AFF1: variants seen among roughly 807,000 people sequenced by gnomAD.
The protein encoded by AFF1 is AF4/FMR2 family member 1.
A neutral mutation model predicts 121.7 loss-of-function variants in AFF1; 48 were observed. The ratio of observed to expected loss-of-function variants is 0.39; its 90% confidence interval spans 0.31 to 0.50. The LOEUF (loss-of-function observed/expected upper bound fraction) is 0.50, where lower values mean the gene tolerates loss of function less well. AFF1 is among the 20% of genes least tolerant of loss of function. The pLI, the probability that AFF1 is intolerant of heterozygous loss-of-function variation, is 0.76. For missense variants in AFF1, 1,523 were observed against 1,511.7 expected (o/e 1.01, Z -0.12); for synonymous variants, 613 against 563.0 (o/e 1.09, Z -1.26).
At chr4:87,073,993 ATG>A (rs1722401418) in intron 4 of AFF1, among the ~76,000 whole-genome samples, 1 of 141,526 alleles carries the variant, frequency 7.1e-6, no homozygotes, top group African/African-American at 3.2e-5. Context: ...GCGTGTGTGC[ATG>A]TGTGTGTAGG....
intron 8 of AFF1, among the ~76,000 whole-genome samples, chr4:87,104,300 G>T (rs1470104759): frequency 2.0e-5 from 3 of 152,198 alleles, no homozygotes; most frequent in Non-Finnish European, 2.9e-5. Flanking sequence ...AACTATTCGG[G>T]AGGCTGAGGC....
intron 2 of AFF1, among the ~76,000 whole-genome samples, chr4:86,962,916 A>C (rs1722252633): frequency 6.6e-6 from 1 of 152,186 alleles, no homozygotes; most frequent in Non-Finnish European, 1.5e-5. Flanking sequence ...TGTAAAACTC[A>C]GCACTTTGAG....
In AFF1 at chr4:87,047,611, A is replaced by T. The variant is rs571671073; in HGVS notation, c.1059+17A>T. On this transcript the variant is annotated intron_variant, in intron 4 of 20. Transcript: ENST00000395146. Reference sequence around the variant, plus strand: ...TCAGTTGAGGTGTGTGGAATTTCTTATCTTGGGGAATTCCAATTCGAAGAC... The same window carrying T: ...TCAGTTGAGGTGTGTGGAATTTCTTTTCTTGGGGAATTCCAATTCGAAGAC... The T allele has an allele frequency of 1.2e-6, 2 of 1,613,954 alleles. No individual in the cohort carries two copies. The highest frequency in any genetic ancestry group is 1.7e-6 in the Non-Finnish European group (2 of 1,179,966).
rs551719722 is a variant in AFF1, at chr4:87,020,545, C to T, written c.39-25621C>T. Among the ~76,000 whole-genome samples, 559 of 152,214 alleles carry T rather than the reference C, an allele frequency of 3.7e-3. 7 individuals carry two copies. The highest frequency in any genetic ancestry group is 0.013 in the African/African-American group (527 of 41,522). ...TGTTGCCCAGGCTGGAGTGCAGTGG[C>T]GCAATTTCGGCTCACTGTAACCTCC... On this transcript the variant is annotated intron_variant, in intron 2 of 20. Transcript: ENST00000395146.
chr4:87,051,330 C>G (rs1731232210), intron 4 of AFF1, among the ~76,000 whole-genome samples: 1 of 151,884 alleles, frequency 6.6e-6, no homozygotes. Flanking sequence ...ACAGCAGAGC[C>G]ATGGAGGATA....
At chr4:86,971,084 G>A (rs556783073) in intron 2 of AFF1, among the ~76,000 whole-genome samples, 2 of 152,166 alleles carry the variant, frequency 1.3e-5, no homozygotes, top group African/African-American at 4.8e-5. Flanking sequence ...TTTACACTGC[G>A]GTGAGCATGG....
At chr4:86,959,488 ACT>A (rs34965689) in intron 2 of AFF1, among the ~76,000 whole-genome samples, 24,461 of 135,148 alleles carry the variant, frequency 0.18, 2,095 homozygotes, top group East Asian at 0.24. Context: ...GTTCCTTAAT[ACT>A]CTTTTTTTTT....
At chr4:87,101,520 A>G (rs538240031) in intron 8 of AFF1, among the ~76,000 whole-genome samples, 4 of 152,012 alleles carry the variant, frequency 2.6e-5, no homozygotes, top group Non-Finnish European at 5.9e-5. Flanking sequence ...AAGAGTTTGC[A>G]GTGAGCCATA....
intron 4 of AFF1, 90 bp from the exon 5 acceptor site, chr4:87,084,030 G>T: frequency 8.5e-7 from 1 of 1,175,416 alleles, no homozygotes; most frequent in South Asian, 1.2e-5. Context: ...GCCTTGAGAT[G>T]AGTATTGCTG....
In AFF1 at chr4:87,108,047, TG is replaced by T. The variant is rs371892657; in HGVS notation, c.1377-111del. On this transcript the variant is annotated intron_variant, in intron 10 of 20. Transcript: ENST00000395146. ...GTTGGATGACATGATAGTTTAGCAG[TG>T]TATCTAATACCAAGGCCCGCCCTTT... The T allele has an allele frequency of 5.3e-3, 6,092 of 1,145,508 alleles. 57 individuals carry two copies. Among genetic ancestry groups the T allele is most frequent in the Middle Eastern group, 0.047 (222 of 4,736 alleles). 71.0% of individuals were successfully genotyped at this position (1,145,508 alleles called of 1,614,324 possible). A position where few individuals can be genotyped will look rare whatever the true frequency, so the allele number is the denominator to read the frequency against.
At chr4:87,064,491 C>A (rs758255838) in intron 4 of AFF1, among the ~76,000 whole-genome samples, 2 of 152,114 alleles carry the variant, frequency 1.3e-5, no homozygotes, top group African/African-American at 2.4e-5. Context: ...CCTGTAATCC[C>A]AACACTTTGG....
intron 2 of AFF1, among the ~76,000 whole-genome samples, chr4:86,954,914 T>C (rs1239786342): frequency 6.6e-6 from 1 of 152,180 alleles, no homozygotes; most frequent in African/African-American, 2.4e-5. Context: ...ATTTCTTCTG[T>C]TCAATATATT....
At chr4:87,054,916 T>C (rs1480734984) in intron 4 of AFF1, among the ~76,000 whole-genome samples, 2 of 152,200 alleles carry the variant, frequency 1.3e-5, no homozygotes, top group Admixed American at 6.5e-5. Flanking sequence ...CCCCACACTT[T>C]TAGCCAGTAT....
In AFF1 at chr4:87,139,016, C is replaced by G. The variant is rs1293566054; in HGVS notation, c.*3315C>G. On this transcript the variant is annotated 3_prime_UTR_variant, in exon 21 of 21. Transcript: ENST00000395146. ...GTATCTTACACATTAATGTTACTAG[C>G]ATCAGGAGCTTACTGTTTTATTATG... 2.7e-5 allele frequency: 6 copies of G among 224,794 alleles called. No homozygotes were observed. The East Asian group carries it at 3.2e-4, about 12-fold the overall frequency. The allele number at this position is 224,794 out of a possible 1,614,324, so 13.9% of individuals were successfully genotyped here. A position where few individuals can be genotyped will look rare whatever the true frequency, so the allele number is the denominator to read the frequency against.
At chr4:86,952,285 G>C (rs1721407310) in intron 2 of AFF1, among the ~76,000 whole-genome samples, 1 of 152,142 alleles carries the variant, frequency 6.6e-6, no homozygotes, top group South Asian at 2.1e-4. Context: ...GTTGACTACT[G>C]TAGGCTATTA....
At chr4:86,944,069 A>G (rs1720664155) in intron 1 of AFF1, among the ~76,000 whole-genome samples, 1 of 150,932 alleles carries the variant, frequency 6.6e-6, no homozygotes, top group Non-Finnish European at 1.5e-5. Flanking sequence ...ACTTGAGCCC[A>G]GAAGGTTGAG....
At chr4:87,062,028 A>G (rs1720839203) in intron 4 of AFF1, among the ~76,000 whole-genome samples, 1 of 152,190 alleles carries the variant, frequency 6.6e-6, no homozygotes, top group Admixed American at 6.5e-5. Flanking sequence ...GGTTAGTCTA[A>G]TTAACTTTTT....
intron 2 of AFF1, among the ~76,000 whole-genome samples, chr4:87,022,592 A>C (rs1391888738): frequency 0.015 from 1,483 of 99,606 alleles, 81 homozygotes; most frequent in East Asian, 0.048. Flanking sequence ...ATCTATCTAT[A>C]TCTATCTGTG....
At chr4:87,038,257 A>G (rs1416208770) in intron 2 of AFF1, among the ~76,000 whole-genome samples, 2 of 152,190 alleles carry the variant, frequency 1.3e-5, no homozygotes, top group Non-Finnish European at 2.9e-5. Context: ...GATTTAGCTG[A>G]GTGATTTTTA....
Sources: allele counts gnomAD v4.1 joint callset (sites outside exome capture counted in the v4.1 genomes callset), GRCh38; gene constraint gnomAD v4.1.1; transcripts MANE v1.5; gene names NCBI Gene and HGNC (gene_info 2026-07-23, HGNC 2026-07-21).